ARHGAP15: variants seen among roughly 807,000 people sequenced by gnomAD.
The protein encoded by ARHGAP15 is Rho GTPase activating protein 15.
A neutral mutation model predicts 63.7 loss-of-function variants in ARHGAP15; 51 were observed. The ratio of observed to expected loss-of-function variants is 0.80; its 90% CI spans 0.64 to 1.01. The LOEUF (loss-of-function observed/expected upper bound fraction) is 1.01. Among genes scored for constraint, ARHGAP15 ranks in the 50% least tolerant of loss-of-function variants. ARHGAP15 has a pLI of 0.00. For missense variants in ARHGAP15, 560 were observed against 564.6 expected, an observed-to-expected ratio of 0.99 and a Z score of 0.08; for synonymous variants, 191 against 193.8, an observed-to-expected ratio of 0.99 and a Z score of 0.12.
At chr2:143,458,958 A>G (rs144991050) in intron 8 of ARHGAP15, among the ~76,000 whole-genome samples, 1 of 152,208 alleles carries the variant, frequency 6.6e-6, no homozygotes, top group East Asian at 1.9e-4. Context: ...TTTCTTCTTA[A>G]TTTAAGCAAC....
intron 6 of ARHGAP15, among the ~76,000 whole-genome samples, chr2:143,369,960 A>C (rs900827902): frequency 1.3e-5 from 2 of 152,072 alleles, no homozygotes; most frequent in African/African-American, 4.8e-5. Flanking sequence ...TATCTGTTTT[A>C]TTCTAAAACG....
chr2:143,729,670 G>C (rs1015130236), intron 13 of ARHGAP15, among the ~76,000 whole-genome samples: 1 of 152,152 alleles, frequency 6.6e-6, no homozygotes, highest in Non-Finnish European at 1.5e-5. Context: ...CCTTACAAAG[G>C]CATTCTCAAA....
chr2:143,225,590 A>G (rs1362973074), intron 4 of ARHGAP15, among the ~76,000 whole-genome samples: 1 of 152,072 alleles, frequency 6.6e-6, no homozygotes, highest in African/African-American at 2.4e-5. Flanking sequence ...TGGGCGACAG[A>G]GCGAGACTCC....
At chr2:143,440,009 C>G (rs938983677) in intron 8 of ARHGAP15, among the ~76,000 whole-genome samples, 2 of 151,744 alleles carry the variant, frequency 1.3e-5, no homozygotes, top group Admixed American at 1.3e-4. Flanking sequence ...TGATTCTTTT[C>G]TGTATCTTGG....
intron 13 of ARHGAP15, among the ~76,000 whole-genome samples, chr2:143,706,088 C>G (rs976201108): frequency 1.3e-5 from 2 of 152,066 alleles, no homozygotes; most frequent in Non-Finnish European, 2.9e-5. Flanking sequence ...AGCCACCAAC[C>G]TTTCTTGGGT....
At chr2:143,393,780 G>A (rs1687643825) in intron 6 of ARHGAP15, among the ~76,000 whole-genome samples, 1 of 148,968 alleles carries the variant, frequency 6.7e-6, no homozygotes, top group South Asian at 2.2e-4. Context: ...AGGACATTAA[G>A]GTGTCTTTCA....
chr2:143,478,285 T>G (rs1333589704), intron 8 of ARHGAP15, among the ~76,000 whole-genome samples: 1 of 152,202 alleles, frequency 6.6e-6, no homozygotes, highest in Non-Finnish European at 1.5e-5. Context: ...TGTCCCATGA[T>G]TCACTCATCT....
At chr2:143,336,739 A>G (rs1003716221) in intron 6 of ARHGAP15, among the ~76,000 whole-genome samples, 2 of 152,178 alleles carry the variant, frequency 1.3e-5, no homozygotes. Flanking sequence ...AATCATTCTT[A>G]ATAGTGAGAA....
chr2:143,465,183 C>T (rs1457847486), intron 8 of ARHGAP15, among the ~76,000 whole-genome samples: 1 of 152,086 alleles, frequency 6.6e-6, no homozygotes, highest in Non-Finnish European at 1.5e-5. Context: ...TTAAAATACA[C>T]TTTAATGAGC....
intron 13 of ARHGAP15, among the ~76,000 whole-genome samples, chr2:143,728,777 C>T (rs536355922): frequency 2.6e-5 from 4 of 152,342 alleles, no homozygotes; most frequent in Admixed American, 1.3e-4. Context: ...GCATAAGTGC[C>T]TCCCTCTCCA....
chr2:143,224,686 G>T (rs773652403), intron 4 of ARHGAP15, among the ~76,000 whole-genome samples: 3 of 152,126 alleles, frequency 2.0e-5, no homozygotes, highest in Admixed American at 2.0e-4. Flanking sequence ...ATTTGGTTGC[G>T]TATAGAAAAT....
chr2:143,532,522 G>A (rs1242764097), intron 10 of ARHGAP15, among the ~76,000 whole-genome samples: 1 of 152,050 alleles, frequency 6.6e-6, no homozygotes, highest in Non-Finnish European at 1.5e-5. Context: ...TTCTTACTAG[G>A]TAAACTAGTG....
At chr2:143,346,509 A>C (rs950196144) in intron 6 of ARHGAP15, among the ~76,000 whole-genome samples, 10 of 152,066 alleles carry the variant, frequency 6.6e-5, no homozygotes, top group Non-Finnish European at 1.2e-4. Flanking sequence ...ATTAAGCCAA[A>C]AATAAGTGCA....
intron 8 of ARHGAP15, among the ~76,000 whole-genome samples, chr2:143,452,661 T>TC (rs931524186): frequency 6.6e-6 from 1 of 150,658 alleles, no homozygotes; most frequent in East Asian, 1.9e-4. Context: ...CTTTGGATTT[T>TC]TTTTTTTTTT....
At chr2:143,723,538 G>A (rs1237570308) in intron 13 of ARHGAP15, among the ~76,000 whole-genome samples, 1 of 152,176 alleles carries the variant, frequency 6.6e-6, no homozygotes, top group East Asian at 1.9e-4. Flanking sequence ...GGACTGGAAA[G>A]AGTCCCAGAC....
chr2:143,402,860 T>C (rs1428904525), intron 6 of ARHGAP15, among the ~76,000 whole-genome samples: 2 of 151,884 alleles, frequency 1.3e-5, no homozygotes, highest in East Asian at 3.9e-4. Context: ...GGGACTTCGA[T>C]GAAAATTTTT....
chr2:143,734,440 G>A (rs962778295), intron 13 of ARHGAP15, among the ~76,000 whole-genome samples: 1 of 152,092 alleles, frequency 6.6e-6, no homozygotes, highest in Admixed American at 6.5e-5. Context: ...TTAAACATCA[G>A]TAGTCCAAAA....
chr2:143,425,080 C>A (rs1358974160), intron 6 of ARHGAP15, among the ~76,000 whole-genome samples: 1 of 152,086 alleles, frequency 6.6e-6, no homozygotes, highest in Non-Finnish European at 1.5e-5. Flanking sequence ...ACTGATAGTG[C>A]TACCAATACA....
At chr2:143,767,597 G>A (rs1385571490) in intron 13 of ARHGAP15, among the ~76,000 whole-genome samples, 1 of 152,098 alleles carries the variant, frequency 6.6e-6, no homozygotes, top group African/African-American at 2.4e-5. Flanking sequence ...TGCAGACATT[G>A]TTCTGGTTAT....
Sources: gnomAD v4.1 joint callset for allele counts (sites outside exome capture counted in the v4.1 genomes callset) on GRCh38, gnomAD v4.1.1 for gene constraint, MANE v1.5 for transcripts, NCBI Gene and HGNC (gene_info 2026-07-23, HGNC 2026-07-21) for gene names.